The following EPB41L3 variants were observed in gnomAD, a reference collection of about 807,000 sequenced individuals.
The protein encoded by EPB41L3 is band 4.1-like protein 3.
A neutral mutation model predicts 127.1 loss-of-function variants in EPB41L3; 57 were observed. The observed-to-expected ratio is 0.45, with a 90% CI of 0.36 to 0.56. The LOEUF (loss-of-function observed/expected upper bound fraction) is 0.56. Among genes scored for constraint, EPB41L3 ranks in the 20% least tolerant of loss-of-function variants. EPB41L3 has a pLI of 0.00. For synonymous variants in EPB41L3, 572 were observed against 549.5 expected, an observed-to-expected ratio of 1.04 and a Z score of -0.57; for missense variants, 1,273 against 1,372.2, an observed-to-expected ratio of 0.93 and a Z score of 1.14.
intron 3 of EPB41L3, among the ~76,000 whole-genome samples, chr18:5,550,476 C>G (rs896713507): frequency 1.3e-5 from 2 of 152,042 alleles, no homozygotes; most frequent in Non-Finnish European, 2.9e-5. Context: ...CTTGATGAGC[C>G]CTATAAACTT....
chr18:5,400,859 G>A, intron 16 of EPB41L3: 1 of 699,830 alleles, frequency 1.4e-6, no homozygotes, highest in Non-Finnish European at 2.4e-6. Flanking sequence ...ACCTACCTTG[G>A]TTTTAAACAA....
chr18:5,413,757 T>C (rs1453653061), intron 13 of EPB41L3, among the ~76,000 whole-genome samples: 3 of 152,176 alleles, frequency 2.0e-5, no homozygotes, highest in African/African-American at 4.8e-5. Context: ...AGCTATCATA[T>C]AGGCTGACTA....
intron 3 of EPB41L3, among the ~76,000 whole-genome samples, chr18:5,562,160 C>T (rs1256068640): frequency 6.6e-6 from 1 of 152,046 alleles, no homozygotes; most frequent in Admixed American, 6.5e-5. Context: ...AGTGTGTTAC[C>T]AATGTTGGTT....
intron 3 of EPB41L3, among the ~76,000 whole-genome samples, chr18:5,550,936 C>T (rs1431301488): frequency 6.6e-6 from 1 of 152,164 alleles, no homozygotes. Context: ...ACAGTTTCCA[C>T]CACCTCTTCC....
At chr18:5,613,261 C>T (rs2094750622) in intron 2 of EPB41L3, among the ~76,000 whole-genome samples, 1 of 152,150 alleles carries the variant, frequency 6.6e-6, no homozygotes, top group Admixed American at 6.5e-5. Flanking sequence ...AATGTCCTGG[C>T]TTTTTTATAG....
At chr18:5,476,784 T>C (rs1326489319) in intron 3 of EPB41L3, among the ~76,000 whole-genome samples, 1 of 152,180 alleles carries the variant, frequency 6.6e-6, no homozygotes, top group Non-Finnish European at 1.5e-5. Flanking sequence ...TAGAAGTATA[T>C]TACTGGAGCT....
At chr18:5,490,291 T>C (rs1351925133) in intron 1 of EPB41L3, among the ~76,000 whole-genome samples, 1 of 152,232 alleles carries the variant, frequency 6.6e-6, no homozygotes, top group African/African-American at 2.4e-5. Context: ...CTAATTATAA[T>C]TTTATAGTAA....
chr18:5,613,389 A>G (rs2094752926), intron 2 of EPB41L3, among the ~76,000 whole-genome samples: 1 of 152,224 alleles, frequency 6.6e-6, no homozygotes, highest in Non-Finnish European at 1.5e-5. Flanking sequence ...AGTAATGCTC[A>G]GTTCCTTCTC....
chr18:5,478,842 T>C (rs1306539197), intron 2 of EPB41L3, among the ~76,000 whole-genome samples: 1 of 152,228 alleles, frequency 6.6e-6, no homozygotes, highest in Non-Finnish European at 1.5e-5. Context: ...CTACAACTTG[T>C]TATACAGCTG....
chr18:5,523,501 A>C (rs2093082762), intron 1 of EPB41L3, among the ~76,000 whole-genome samples: 3 of 152,234 alleles, frequency 2.0e-5, no homozygotes, highest in African/African-American at 7.2e-5. Context: ...CAACTTAAAA[A>C]ATTTTAATAT....
intron 1 of EPB41L3, among the ~76,000 whole-genome samples, chr18:5,537,865 C>A (rs1598792785): frequency 1.3e-5 from 2 of 152,200 alleles, no homozygotes; most frequent in South Asian, 4.1e-4. Flanking sequence ...ATAAAAGGAT[C>A]CTTTTATAGG....
At position 5,543,993 on chromosome 18, in the gene EPB41L3, G is replaced by C; in HGVS notation, c.-92C>G. ...GCGTCCTCGGCGGCGGTGCGCAGGA[G>C]ACTCGGGCGTGGGGAGGAAGCCGCA... On this transcript the variant is annotated 5_prime_UTR_variant, in exon 1 of 23. Coordinates refer to ENST00000341928, the MANE Select transcript of EPB41L3 (RefSeq NM_012307.5). The surrounding 1 kb of genome is among the most constrained non-coding windows in gnomAD (Gnocchi z 5.2). 5.1e-6 allele frequency: 5 copies of C among 985,592 alleles called. No homozygotes were observed. The highest frequency in any genetic ancestry group is 6.0e-6 in the Non-Finnish European group (5 of 830,046). The allele number at this position is 985,592 out of a possible 1,614,324, so 61.1% of individuals were successfully genotyped here.
chr18:5,409,349 G>T (rs1426753592), intron 14 of EPB41L3, among the ~76,000 whole-genome samples: 1 of 152,134 alleles, frequency 6.6e-6, no homozygotes, highest in Admixed American at 6.5e-5. Context: ...CACACATTAA[G>T]ATTCCAATGA....
chr18:5,455,804 G>A (rs537837328), intron 3 of EPB41L3, among the ~76,000 whole-genome samples: 15 of 150,458 alleles, frequency 1.0e-4, no homozygotes, highest in African/African-American at 3.2e-4. Context: ...TCACACATAC[G>A]AGATGTTGGC....
chr18:5,423,009 T>C (rs2077671674), intron 11 of EPB41L3, among the ~76,000 whole-genome samples: 1 of 152,210 alleles, frequency 6.6e-6, no homozygotes, highest in Non-Finnish European at 1.5e-5. Context: ...ATAAAACAAA[T>C]GGTCTTAAAC....
chr18:5,566,768 TATTCTATTCTATTCTATTCTATTCC>T (rs1341135916), intron 3 of EPB41L3, among the ~76,000 whole-genome samples: 14 of 141,900 alleles, frequency 9.9e-5, no homozygotes, highest in African/African-American at 2.1e-4. Flanking sequence ...TATTCTATTC[TATTCTATTCTATTCTATTCTATTCC>T]ATTCCATTCC....
At chr18:5,612,608 C>G (rs1237414859) in intron 2 of EPB41L3, among the ~76,000 whole-genome samples, 1 of 152,206 alleles carries the variant, frequency 6.6e-6, no homozygotes, top group East Asian at 1.9e-4. Flanking sequence ...GAAGAGAACC[C>G]AGGAAGAGCA....
intron 3 of EPB41L3, among the ~76,000 whole-genome samples, chr18:5,607,652 T>C (rs2094675638): frequency 6.6e-6 from 1 of 152,178 alleles, no homozygotes. Flanking sequence ...AGTTTGACTT[T>C]TACTCCTAGG....
chr18:5,619,501 A>T (rs1461134054), intron 1 of EPB41L3, among the ~76,000 whole-genome samples: 2 of 152,208 alleles, frequency 1.3e-5, no homozygotes, highest in Non-Finnish European at 2.9e-5. Context: ...TTCCACAAAA[A>T]GCCATTCAGC....
Sources: gnomAD v4.1 joint callset for allele counts (sites outside exome capture counted in the v4.1 genomes callset) on GRCh38, gnomAD v4.1.1 for gene constraint, Gnocchi (gnomAD v3.1) non-coding constraint, MANE v1.5 for transcripts, NCBI Gene and HGNC (gene_info 2026-07-23, HGNC 2026-07-21) for gene names.